ETV6: variants seen among roughly 807,000 people sequenced by gnomAD.
ETV6 encodes transcription factor ETV6.
Under a neutral mutation model 51.1 loss-of-function variants are expected in ETV6, and 16 were observed. The ratio of observed to expected loss-of-function variants is 0.31; its 90% CI spans 0.21 to 0.48. The LOEUF (loss-of-function observed/expected upper bound fraction) is 0.48, where lower values mean the gene tolerates loss of function less well. Ranked by LOEUF, ETV6 falls within the 20% of genes least tolerant of loss-of-function variation. The pLI is 0.99. For synonymous variants in ETV6, 240 were observed against 224.1 expected, an observed-to-expected ratio of 1.07 and a Z score of -0.64; for missense variants, 458 against 594.8, an observed-to-expected ratio of 0.77 and a Z score of 2.39.
chr12:11,689,166 T>G (rs1288799554), intron 1 of ETV6, among the ~76,000 whole-genome samples: 7 of 150,882 alleles, frequency 4.6e-5, no homozygotes, highest in Admixed American at 6.6e-5. Flanking sequence ...TTACTGGGAG[T>G]ATGGAAGAGC....
intron 1 of ETV6, among the ~76,000 whole-genome samples, chr12:11,664,688 T>A (rs1359952492): frequency 2.0e-5 from 3 of 152,200 alleles, no homozygotes; most frequent in African/African-American, 7.2e-5. Context: ...GCTACTGGAA[T>A]GGAAGCTTTG....
intron 2 of ETV6, among the ~76,000 whole-genome samples, chr12:11,813,991 A>C (rs1945953353): frequency 6.6e-6 from 1 of 152,258 alleles, no homozygotes; most frequent in Admixed American, 6.5e-5. Context: ...GAAATGATTT[A>C]GGCTCTTTTG....
intron 4 of ETV6, among the ~76,000 whole-genome samples, chr12:11,855,732 C>CGT (rs1946624591): frequency 6.6e-6 from 1 of 152,196 alleles, no homozygotes; most frequent in South Asian, 2.1e-4. Flanking sequence ...AACAGCATTT[C>CGT]GTGCACGCTC....
chr12:11,873,035 C>G (rs1190577164), intron 5 of ETV6, among the ~76,000 whole-genome samples: 1 of 152,168 alleles, frequency 6.6e-6, no homozygotes, highest in South Asian at 2.1e-4. Context: ...TGGGGGAATG[C>G]GTTAACTCCT....
At chr12:11,678,893 C>G (rs554604063) in intron 1 of ETV6, among the ~76,000 whole-genome samples, 5 of 152,058 alleles carry the variant, frequency 3.3e-5, no homozygotes, top group Non-Finnish European at 7.4e-5. Context: ...TTCTTCCTTC[C>G]TCTGCGTCTT....
intron 1 of ETV6, among the ~76,000 whole-genome samples, chr12:11,741,936 T>C (rs1327850244): frequency 2.6e-5 from 4 of 152,252 alleles, no homozygotes; most frequent in African/African-American, 9.6e-5. Context: ...CCTGGAGATT[T>C]ACTTGGCTAT....
intron 2 of ETV6, among the ~76,000 whole-genome samples, chr12:11,754,615 A>G (rs1043107322): frequency 1.3e-5 from 2 of 152,228 alleles, no homozygotes; most frequent in Non-Finnish European, 2.9e-5. Flanking sequence ...TTGACAAGAA[A>G]ATGTTTAACA....
intron 1 of ETV6, among the ~76,000 whole-genome samples, chr12:11,743,620 C>A (rs1249095504): frequency 2.6e-5 from 4 of 152,218 alleles, no homozygotes; most frequent in African/African-American, 9.7e-5. Context: ...GAATATAAAT[C>A]TTCTCCCCTG....
At chr12:11,652,505 G>A (rs1202782360) in intron 1 of ETV6, among the ~76,000 whole-genome samples, 12 of 152,212 alleles carry the variant, frequency 7.9e-5, no homozygotes, top group Non-Finnish European at 1.8e-4. Flanking sequence ...AGTGAAGAAC[G>A]AATGTCAGAG....
intron 1 of ETV6, among the ~76,000 whole-genome samples, chr12:11,725,400 G>A (rs74408205): frequency 3.9e-5 from 6 of 152,260 alleles, no homozygotes; most frequent in Non-Finnish European, 8.8e-5. Context: ...TAACAGACCA[G>A]GTTGGAGTTC....
Position 11,869,874 on chromosome 12 carries a change from A to C in ETV6, c.914A>C (p.Asn305Thr), listed in dbSNP as rs555147578. 2 of 1,612,884 alleles carry C rather than the reference A, an allele frequency of 1.2e-6. No individual in the cohort carries two copies. The highest frequency in any genetic ancestry group is 2.7e-5 in the African/African-American group (2 of 74,996). The change falls in exon 5 of 8, where the codon AAC becomes ACC. Residue 305 changes from asparagine (N) to threonine (T), a missense_variant. Transcript: ENST00000396373. This position sits in a 1 kb window ranked among gnomAD's most constrained non-coding sequence, Gnocchi z 5.0. ...DGLHREGKPI[N>T]LSHREDLAYM... ...CTGCATAGGGAAGGGAAGCCCATCA[A>C]CCTCTCTCATCGGGAAGACCTGGCT...
chr12:11,829,678 A>G (rs1272203995), intron 2 of ETV6, among the ~76,000 whole-genome samples: 1 of 152,196 alleles, frequency 6.6e-6, no homozygotes, highest in Non-Finnish European at 1.5e-5. Flanking sequence ...AATCCACAAA[A>G]TGAAGTTTAT....
chr12:11,656,156 C>T (rs1484676507), intron 1 of ETV6, among the ~76,000 whole-genome samples: 1 of 152,154 alleles, frequency 6.6e-6, no homozygotes, highest in African/African-American at 2.4e-5. Flanking sequence ...CTCATTTACT[C>T]TTCACAGCTC....
chr12:11,781,657 G>A (rs150040397), intron 2 of ETV6, among the ~76,000 whole-genome samples: 182 of 152,280 alleles, frequency 1.2e-3, no homozygotes, highest in Middle Eastern at 3.4e-3. Flanking sequence ...CACATTGATC[G>A]TTTTTACTTG....
chr12:11,840,492 G>A (rs1024864448), intron 3 of ETV6: 8 of 455,944 alleles, frequency 1.8e-5, no homozygotes, highest in African/African-American at 2.0e-5. Flanking sequence ...GACAAAGGGC[G>A]AGGATCCTGC....
intron 2 of ETV6, among the ~76,000 whole-genome samples, chr12:11,760,876 A>ATG (rs1285515591): frequency 5.6e-5 from 4 of 71,918 alleles, no homozygotes; most frequent in African/African-American, 1.1e-4. Flanking sequence ...ATTATTATAT[A>ATG]TATGTGTGTG....
chr12:11,863,327 G>A (rs945140672), intron 4 of ETV6, among the ~76,000 whole-genome samples: 2 of 152,284 alleles, frequency 1.3e-5, no homozygotes, highest in African/African-American at 4.8e-5. Flanking sequence ...CCCACTTAAA[G>A]TCCTGGTTTA....
At chr12:11,834,655 A>C (rs1946289549) in intron 2 of ETV6, among the ~76,000 whole-genome samples, 1 of 152,274 alleles carries the variant, frequency 6.6e-6, no homozygotes, top group Non-Finnish European at 1.5e-5. Flanking sequence ...AAGAATTAGA[A>C]TATAATGAAA....
intron 5 of ETV6, among the ~76,000 whole-genome samples, chr12:11,882,780 C>T (rs2710311): frequency 0.47 from 71,323 of 152,018 alleles, 17,802 homozygotes; most frequent in South Asian, 0.6. Flanking sequence ...TGTAAATATA[C>T]CCCCAGAGAA....
Sources: gnomAD v4.1 joint callset for allele counts (sites outside exome capture counted in the v4.1 genomes callset) on GRCh38, gnomAD v4.1.1 for gene constraint, Gnocchi (gnomAD v3.1) non-coding constraint, MANE v1.5 for transcripts, NCBI Gene and HGNC (gene_info 2026-07-23, HGNC 2026-07-21) for gene names.